The following KLHL29 variants were observed in gnomAD, a reference collection of about 807,000 sequenced individuals.
The protein encoded by KLHL29 is kelch-like protein 29.
A neutral mutation model predicts 80.4 loss-of-function variants in KLHL29; 21 were observed. The observed-to-expected ratio is 0.26, with a 90% confidence interval of 0.19 to 0.38. KLHL29 has a LOEUF of 0.38. Ranked by LOEUF, KLHL29 falls within the 10% of genes least tolerant of loss-of-function variation. The pLI is 1.00. For synonymous variants in KLHL29, 511 were observed against 526.8 expected, an observed-to-expected ratio of 0.97 and a Z score of 0.41; for missense variants, 867 against 1,223.9, an observed-to-expected ratio of 0.71 and a Z score of 4.35.
intron 2 of KLHL29, among the ~76,000 whole-genome samples, chr2:23,525,764 G>T (rs1259064817): frequency 7.5e-6 from 1 of 133,630 alleles, no homozygotes; most frequent in Non-Finnish European, 1.6e-5. Context: ...GCAGAGCCAG[G>T]GCCCACCCGC....
chr2:23,524,131 C>A (rs1259834718), intron 2 of KLHL29: 1 of 441,840 alleles, frequency 2.3e-6, no homozygotes, highest in Middle Eastern at 3.7e-4. Context: ...GCAAGTGTTC[C>A]CATTTCTCGG....
intron 5 of KLHL29, among the ~76,000 whole-genome samples, chr2:23,660,088 A>G (rs982504587): frequency 1.3e-5 from 2 of 151,340 alleles, no homozygotes; most frequent in Non-Finnish European, 2.9e-5. Flanking sequence ...CTGGACCCCC[A>G]CACCATGTGG....
chr2:23,533,809 CTG>C (rs1299619063), intron 2 of KLHL29, among the ~76,000 whole-genome samples: 1 of 152,206 alleles, frequency 6.6e-6, no homozygotes, highest in African/African-American at 2.4e-5. Context: ...TAAGCTAACT[CTG>C]TTTTCAACCT....
At chr2:23,698,167 A>AAAG (rs1672098077) in intron 11 of KLHL29, among the ~76,000 whole-genome samples, 2 of 152,208 alleles carry the variant, frequency 1.3e-5, no homozygotes, top group African/African-American at 4.8e-5. Flanking sequence ...TCTGGCTGTG[A>AAAG]AAGTTCAGCA....
chr2:23,571,518 T>C (rs1030966890), intron 3 of KLHL29, among the ~76,000 whole-genome samples: 4 of 152,198 alleles, frequency 2.6e-5, no homozygotes, highest in African/African-American at 7.2e-5. Flanking sequence ...TGGCCAGGCA[T>C]GGTGATCGTG....
chr2:23,650,353 T>TCACACA (rs71402503), intron 5 of KLHL29, among the ~76,000 whole-genome samples: 1 of 151,060 alleles, frequency 6.6e-6, no homozygotes. Flanking sequence ...TATCATAGAG[T>TCACACA]CACACACACA....
rs78439072 is a variant in KLHL29 at position 23,601,256 on chromosome 2, C to G, written c.286-37883C>G. Among the ~76,000 whole-genome samples, 1,162 of 152,198 alleles carry G rather than the reference C, an allele frequency of 7.6e-3. 18 individuals carry two copies. The highest frequency in any genetic ancestry group is 0.027 in the African/African-American group (1,116 of 41,520). Reference sequence around the variant, plus strand: ...GGACCATTGAGGGGGCCCGGCAAGTCGGGGTACAAGATTTGCTCAGCCGAG... The same window carrying G: ...GGACCATTGAGGGGGCCCGGCAAGTGGGGGTACAAGATTTGCTCAGCCGAG... On this transcript the variant is annotated intron_variant, in intron 3 of 13. Transcript: ENST00000486442.
chr2:23,592,293 C>T (rs947625539), intron 3 of KLHL29, among the ~76,000 whole-genome samples: 6 of 151,526 alleles, frequency 4.0e-5, no homozygotes, highest in African/African-American at 7.2e-5. Flanking sequence ...CCAGGGGTGC[C>T]GATTCCCATC....
intron 5 of KLHL29, among the ~76,000 whole-genome samples, chr2:23,674,835 C>T (rs1447725302): frequency 6.6e-6 from 1 of 152,018 alleles, no homozygotes; most frequent in Admixed American, 6.6e-5. Context: ...GGGCCAACTA[C>T]CTCATAAAAG....
At chr2:23,622,071 C>T (rs1170511808) in intron 3 of KLHL29, among the ~76,000 whole-genome samples, 1 of 152,222 alleles carries the variant, frequency 6.6e-6, no homozygotes. Context: ...GCACATCCTT[C>T]CAGCACCCTC....
intron 2 of KLHL29, among the ~76,000 whole-genome samples, chr2:23,497,780 A>C (rs992291125): frequency 1.3e-5 from 2 of 152,166 alleles, no homozygotes; most frequent in African/African-American, 2.4e-5. Flanking sequence ...CCTGAGGGGC[A>C]CTGAGCTGTG....
At chr2:23,687,842 G>A (rs749233671) in intron 6 of KLHL29, among the ~76,000 whole-genome samples, 1 of 152,164 alleles carries the variant, frequency 6.6e-6, no homozygotes, top group Non-Finnish European at 1.5e-5. Context: ...GCTGGAGGGA[G>A]GCTAGACCTG....
intron 5 of KLHL29, among the ~76,000 whole-genome samples, chr2:23,653,581 C>T (rs1670148732): frequency 6.6e-6 from 1 of 152,156 alleles, no homozygotes; most frequent in Non-Finnish European, 1.5e-5. Flanking sequence ...CTCACAGGGG[C>T]CGAGTCATAC....
intron 3 of KLHL29, among the ~76,000 whole-genome samples, chr2:23,595,889 C>G (rs954460709): frequency 3.3e-5 from 5 of 152,220 alleles, no homozygotes; most frequent in Admixed American, 6.5e-5. Flanking sequence ...CATGCCCCTT[C>G]CAGACACCAT....
In KLHL29 at chr2:23,567,986, T is replaced by C. The variant is rs115677314; in HGVS notation, c.285+5505T>C. On this transcript the variant is annotated intron_variant, in intron 3 of 13. Transcript: ENST00000486442. ...TTTTGCCTGTACCTTAAGTCGCAAT[T>C]ACAGTTTGATTGTGTATTCATTGAC... 2.3e-3 allele frequency among the ~76,000 whole-genome samples: 349 copies of C among 152,334 alleles called. 1 individual carries two copies. Among genetic ancestry groups the C allele is most frequent in the African/African-American group, 8.0e-3 (331 of 41,574 alleles).
At chr2:23,425,727 C>T (rs1662988288) in intron 1 of KLHL29, among the ~76,000 whole-genome samples, 1 of 152,178 alleles carries the variant, frequency 6.6e-6, no homozygotes, top group Non-Finnish European at 1.5e-5. Context: ...ACTGGGTGTA[C>T]TGGGTGCAGG....
intron 2 of KLHL29, among the ~76,000 whole-genome samples, chr2:23,506,130 C>A (rs1173122323): frequency 1.3e-5 from 2 of 152,200 alleles, no homozygotes; most frequent in Non-Finnish European, 2.9e-5. Flanking sequence ...TAAGAAAATG[C>A]TGAGAAAACA....
chr2:23,536,918 A>ACACACTCTCT (rs143009876), intron 2 of KLHL29, among the ~76,000 whole-genome samples: 196 of 140,640 alleles, frequency 1.4e-3, no homozygotes, highest in Middle Eastern at 7.2e-3. Flanking sequence ...ACACACACAC[A>ACACACTCTCT]CTCTCTCTCT....
intron 2 of KLHL29, among the ~76,000 whole-genome samples, chr2:23,515,225 TA>T (rs1665886166): frequency 6.6e-6 from 1 of 152,190 alleles, no homozygotes. Flanking sequence ...GAACAGCCTG[TA>T]AAGCCCCCCA....
Sources: gnomAD v4.1 joint callset for allele counts (sites outside exome capture counted in the v4.1 genomes callset) on GRCh38, gnomAD v4.1.1 for gene constraint, MANE v1.5 for transcripts, NCBI Gene and HGNC (gene_info 2026-07-23, HGNC 2026-07-21) for gene names.